The following CAPRIN2 variants were observed in gnomAD, a reference collection of about 807,000 sequenced individuals.
CAPRIN2 encodes the protein caprin family member 2, also known as caprin-2.
A neutral mutation model predicts 130.4 loss-of-function variants in CAPRIN2; 66 were observed. The ratio of observed to expected loss-of-function variants is 0.51; its 90% CI spans 0.42 to 0.62. CAPRIN2 has a LOEUF of 0.62. Ranked by LOEUF, CAPRIN2 falls within the 20% of genes least tolerant of loss-of-function variation. CAPRIN2 has a pLI of 0.00. For synonymous variants in CAPRIN2, 471 were observed against 444.1 expected (o/e 1.06, Z -0.76); for missense variants, 1,185 against 1,246.6 (o/e 0.95, Z 0.74).
chr12:30,747,748 G>A (rs6487939), intron 2 of CAPRIN2, among the ~76,000 whole-genome samples: 73,596 of 151,870 alleles, frequency 0.48, 18,343 homozygotes, highest in African/African-American at 0.55. Flanking sequence ...TTGTCTAATA[G>A]ATCCGGGCAA....
chr12:30,712,077 T>G (rs1480225932), intron 15 of CAPRIN2, among the ~76,000 whole-genome samples: 1 of 152,114 alleles, frequency 6.6e-6, no homozygotes, highest in Non-Finnish European at 1.5e-5. Context: ...GAATTTTTTT[T>G]TAAGAAATTG....
In CAPRIN2 at chr12:30,719,171, T is replaced by C. The variant is rs139975710; in HGVS notation, c.2148+1640A>G. 2.5e-6 allele frequency: 4 copies of C among 1,613,896 alleles called. No homozygotes were observed. Among genetic ancestry groups the C allele is most frequent in the Non-Finnish European group, 2.5e-6 (3 of 1,179,960 alleles). On this transcript the variant is annotated intron_variant, in intron 12 of 16. Transcript: ENST00000298892. Reference sequence around the variant, plus strand: ...AAGCCCTGTTCAGAGCCCTTTGCCATGGGAGGATTTGGAGAAGCTAGTGAA... The same window carrying C: ...AAGCCCTGTTCAGAGCCCTTTGCCACGGGAGGATTTGGAGAAGCTAGTGAA...
At chr12:30,714,202 G>A (rs1388077834) in intron 14 of CAPRIN2, among the ~76,000 whole-genome samples, 1 of 152,140 alleles carries the variant, frequency 6.6e-6, no homozygotes, top group Non-Finnish European at 1.5e-5. Context: ...CTTTTTTATA[G>A]GCAGTGCCTC....
intron 3 of CAPRIN2, among the ~76,000 whole-genome samples, chr12:30,738,702 A>G (rs972098533): frequency 6.6e-6 from 1 of 152,202 alleles, no homozygotes; most frequent in Non-Finnish European, 1.5e-5. Flanking sequence ...AAGTTAAATA[A>G]ATTTACAAGA....
chr12:30,753,667 C>CA lies in CAPRIN2; in HGVS notation c.96dup (p.Ala33CysfsTer7). 6.2e-7 allele frequency: 1 copy of CA among 1,614,130 alleles called. No individual in the cohort carries two copies. Among genetic ancestry groups the CA allele is most frequent in the Non-Finnish European group, 8.5e-7 (1 of 1,179,980 alleles). On this transcript the variant is annotated frameshift_variant, in exon 1 of 17. Coordinates refer to ENST00000298892, the Ensembl canonical transcript of CAPRIN2. LOFTEE classifies it high-confidence loss of function. ...TTAGGACTAGAGGGACACAGCCAGG[C>CA]AATAACTTCCCTGGAAAGTCTAGAC...
chr12:30,745,651 A>AG (rs2069753662), intron 2 of CAPRIN2, among the ~76,000 whole-genome samples: 1 of 152,192 alleles, frequency 6.6e-6, no homozygotes, highest in African/African-American at 2.4e-5. Flanking sequence ...CAGTGCTTGA[A>AG]GGAAAATTCA....
intron 2 of CAPRIN2, among the ~76,000 whole-genome samples, chr12:30,745,450 T>C (rs915724912): frequency 1.3e-5 from 2 of 152,192 alleles, no homozygotes; most frequent in Non-Finnish European, 2.9e-5. Flanking sequence ...ATAAACCTTA[T>C]GTAGCTTAGC....
chr12:30,724,911 T>C (rs1296784887), intron 9 of CAPRIN2, among the ~76,000 whole-genome samples: 1 of 152,154 alleles, frequency 6.6e-6, no homozygotes, highest in African/African-American at 2.4e-5. Flanking sequence ...AGAGGATCGC[T>C]TGAGCCCAGG....
At chr12:30,754,046 C>T (rs2075213939) in exon 1 of CAPRIN2, 1 of 329,692 alleles carries the variant, frequency 3.0e-6, no homozygotes, top group East Asian at 4.9e-5. Flanking sequence ...TAACCTCAAT[C>T]CTGAACGTTT....
intron 16 of CAPRIN2, 52 bp downstream of exon 18, chr12:30,711,514 A>G: frequency 7.3e-7 from 1 of 1,366,402 alleles, no homozygotes; most frequent in Admixed American, 1.7e-5. Context: ...GGATGCAGAA[A>G]GAACTAGAGA....
At chr12:30,735,119 C>A in exon 4 of CAPRIN2, 1 of 1,614,146 alleles carries the variant, frequency 6.2e-7, no homozygotes, top group Non-Finnish European at 8.5e-7. Flanking sequence ...ACATACTGAA[C>A]TTGAAGTATA....
At chr12:30,714,852 C>T (rs1215852488) in intron 14 of CAPRIN2, 107 bp downstream of exon 16, 3 of 794,324 alleles carry the variant, frequency 3.8e-6, no homozygotes, top group Non-Finnish European at 6.1e-6. Context: ...AAATTCTCTA[C>T]TACGTTGCAA....
At position 30,723,468 on chromosome 12, in the gene CAPRIN2, C is replaced by T. The variant is rs565333213; in HGVS notation, c.1988-154G>A. Among the ~76,000 whole-genome samples, 3 of 152,298 alleles carry T rather than the reference C, an allele frequency of 2.0e-5. No homozygotes were observed. The South Asian group carries it at 6.2e-4, about 32-fold the overall frequency. On this transcript the variant is annotated intron_variant, in intron 10 of 16. Coordinates refer to ENST00000298892, the Ensembl canonical transcript of CAPRIN2. ...CATGCACTTTCTATTAGAGTTTTAA[C>T]AAGAGAGAACTGTAGAAGAATAGAA...
At chr12:30,711,578 C>T in exon 16 of CAPRIN2, 1 of 1,613,518 alleles carries the variant, frequency 6.2e-7, no homozygotes, top group Non-Finnish European at 8.5e-7. Context: ...CTCGAATTTG[C>T]TCGTGGACCA....
In CAPRIN2 at chr12:30,733,772, CACAATTTAT is replaced by C. The variant is rs2063523102; in HGVS notation, c.810-70_810-62del. ...TTAGAAGTACATATATATGGAGCAGCACAATTTATGCAATATAACCCATTAACAGACAAG... is the reference window on the plus strand; with the variant it reads ...TTAGAAGTACATATATATGGAGCAGCGCAATATAACCCATTAACAGACAAG... On this transcript the variant is annotated intron_variant, in intron 4 of 16. Coordinates refer to ENST00000298892, the Ensembl canonical transcript of CAPRIN2. The C allele has an allele frequency of 3.7e-6, 4 of 1,091,676 alleles. No individual in the cohort carries two copies. The South Asian group carries it at 5.0e-5, about 14-fold the overall frequency. The allele number at this position is 1,091,676 out of a possible 1,614,324, so 67.6% of individuals were successfully genotyped here. A position where few individuals can be genotyped will look rare whatever the true frequency, so the allele number is the denominator to read the frequency against.
intron 2 of CAPRIN2, among the ~76,000 whole-genome samples, 174 bp downstream of exon 3, chr12:30,750,897 T>C (rs570044530): frequency 6.6e-6 from 1 of 152,322 alleles, no homozygotes; most frequent in South Asian, 2.1e-4. Context: ...GAACAAAAAG[T>C]CATATCTGAG....
chr12:30,734,925 G>A lies in CAPRIN2; in HGVS notation c.809+43C>T, dbSNP rs1171553624. 7 of 1,312,644 alleles carry A rather than the reference G, an allele frequency of 5.3e-6. No homozygotes were observed. The Admixed American group carries it at 1.2e-4, about 22-fold the overall frequency. 81.3% of individuals were successfully genotyped at this position (1,312,644 alleles called of 1,614,324 possible). ...ATACACACACCCCTAAAAAGCTAAA[G>A]TGTCAAGTGTTTCATTTCAGGAAAA... On this transcript the variant is annotated intron_variant, in intron 4 of 16. Coordinates refer to ENST00000298892, the Ensembl canonical transcript of CAPRIN2.
rs1312627608 is a variant in CAPRIN2, at chr12:30,728,640, C to T, written c.1782+8G>A. 4.4e-6 allele frequency: 7 copies of T among 1,594,334 alleles called. No homozygotes were observed. Among genetic ancestry groups the T allele is most frequent in the Non-Finnish European group, 6.0e-6 (7 of 1,170,966 alleles). ...CTTACAGAAGCAGAATGATACAGAT[C>T]AACTCACATCTTTGGGTTCTGTGTT... On this transcript the variant is annotated splice_region_variant and intron_variant, in intron 8 of 16. Transcript: ENST00000298892.
chr12:30,715,288 T>G (rs1565551553), intron 13 of CAPRIN2, 147 bp from the exon 16 acceptor site: 1 of 668,918 alleles, frequency 1.5e-6, no homozygotes, highest in Non-Finnish European at 2.6e-6. Flanking sequence ...ATAATTCATC[T>G]ACATGACTCA....
Sources: allele counts gnomAD v4.1 joint callset (sites outside exome capture counted in the v4.1 genomes callset), GRCh38; gene constraint gnomAD v4.1.1; transcripts MANE v1.5; gene names NCBI Gene and HGNC (gene_info 2026-07-23, HGNC 2026-07-21).